DLG2: variants seen among roughly 807,000 people sequenced by gnomAD.
DLG2 encodes discs large MAGUK scaffold protein 2.
A neutral mutation model predicts 132.5 loss-of-function variants in DLG2; 45 were observed. That is an observed-to-expected ratio of 0.34 (90% CI 0.27 to 0.44). DLG2 has a LOEUF of 0.44. Ranked by LOEUF, DLG2 falls within the 20% of genes least tolerant of loss-of-function variation. The pLI is 1.00. For synonymous variants in DLG2, 424 were observed against 419.6 expected (o/e 1.01, Z -0.13); for missense variants, 1,045 against 1,196.9 (o/e 0.87, Z 1.87).
chr11:85,168,123 A>T (rs548750692), intron 4 of DLG2, among the ~76,000 whole-genome samples: 1 of 152,294 alleles, frequency 6.6e-6, no homozygotes, highest in South Asian at 2.1e-4. Context: ...CATGTATTAA[A>T]TTGTATTACA....
At chr11:84,780,766 T>A (rs1052800774) in intron 6 of DLG2, among the ~76,000 whole-genome samples, 5 of 152,156 alleles carry the variant, frequency 3.3e-5, no homozygotes, top group African/African-American at 1.2e-4. Context: ...TATACACATT[T>A]AGTAACAAAT....
chr11:84,784,321 AAAATAAAT>A lies in DLG2; in HGVS notation c.358-249598_358-249591del, dbSNP rs58436058. Among the ~76,000 whole-genome samples the A allele has an allele frequency of 9.7e-3, 1,206 of 124,460 alleles. 4 individuals carry two copies. The highest frequency in any genetic ancestry group is 0.017 in the African/African-American group (600 of 34,612). 81.7% of individuals were successfully genotyped at this position (124,460 alleles called of 152,430 possible). On this transcript the variant is annotated intron_variant, in intron 6 of 27. Coordinates refer to ENST00000376104, the MANE Select transcript of DLG2 (RefSeq NM_001142699.3). ...GGCAACAAGAGCGAAACTCCACCTC[AAAATAAAT>A]AAATAAATAAATAAATAAATAAATA...
At chr11:84,502,200 C>CTCTCTCTTTCCT (rs2099210772) in intron 7 of DLG2, among the ~76,000 whole-genome samples, 1 of 9,836 alleles carries the variant, frequency 1.0e-4, no homozygotes, top group Non-Finnish European at 1.9e-4. Flanking sequence ...CTCTCTCTCT[C>CTCTCTCTTTCCT]TCCTTCCTTC....
intron 3 of DLG2, among the ~76,000 whole-genome samples, chr11:85,488,419 C>T (rs900963237): frequency 6.6e-6 from 1 of 151,586 alleles, no homozygotes; most frequent in African/African-American, 2.4e-5. Context: ...ACAACCACAA[C>T]AAAAAGTGTC....
In DLG2 at chr11:84,839,463, T is replaced by A. The variant is rs191468305; in HGVS notation, c.357+272198A>T. Among the ~76,000 whole-genome samples, 411 of 152,174 alleles carry A rather than the reference T, an allele frequency of 2.7e-3. 6 individuals are homozygous for A. The highest frequency in any genetic ancestry group is 0.02 in the East Asian group (104 of 5,136). ...AATGCCATCCCCATCAAGCTACCAATGACTTTCTTCACAGAATCGGAAAAA... is the reference window on the plus strand; with the variant it reads ...AATGCCATCCCCATCAAGCTACCAAAGACTTTCTTCACAGAATCGGAAAAA... On this transcript the variant is annotated intron_variant, in intron 6 of 27. Coordinates refer to ENST00000376104, the MANE Select transcript of DLG2 (RefSeq NM_001142699.3).
At chr11:84,115,435 C>G (rs983039825) in intron 9 of DLG2, among the ~76,000 whole-genome samples, 6 of 151,316 alleles carry the variant, frequency 4.0e-5, no homozygotes, top group African/African-American at 1.5e-4. Context: ...AGTATATTTG[C>G]TTTCTTTGCA....
intron 3 of DLG2, among the ~76,000 whole-genome samples, chr11:85,449,696 C>A (rs182501287): frequency 7.2e-4 from 110 of 151,770 alleles, no homozygotes; most frequent in African/African-American, 2.6e-3. Flanking sequence ...TTAGGTAACT[C>A]CATGAAGCCT....
chr11:83,752,319 G>C (rs1312453950), intron 18 of DLG2, among the ~76,000 whole-genome samples: 4 of 151,592 alleles, frequency 2.6e-5, no homozygotes, highest in African/African-American at 9.7e-5. Flanking sequence ...CCAAATTACA[G>C]GTTTTAACAA....
chr11:84,487,420 G>T (rs184483195), intron 7 of DLG2, among the ~76,000 whole-genome samples: 2 of 151,996 alleles, frequency 1.3e-5, no homozygotes, highest in African/African-American at 4.8e-5. Context: ...AAAAAGAATA[G>T]AGTAACAGAA....
At chr11:83,952,863 T>C (rs535153882) in intron 14 of DLG2, among the ~76,000 whole-genome samples, 308 of 152,016 alleles carry the variant, frequency 2.0e-3, no homozygotes, top group Non-Finnish European at 3.2e-3. Context: ...TTTCTACAAA[T>C]ATATATTACT....
chr11:83,996,603 T>C (rs2094038345), intron 11 of DLG2, among the ~76,000 whole-genome samples: 1 of 152,186 alleles, frequency 6.6e-6, no homozygotes, highest in Non-Finnish European at 1.5e-5. Flanking sequence ...ACAGAAAATA[T>C]GGTACACATA....
At chr11:85,144,185 C>T (rs1242746017) in intron 5 of DLG2, among the ~76,000 whole-genome samples, 2 of 151,728 alleles carry the variant, frequency 1.3e-5, no homozygotes, top group African/African-American at 2.4e-5. Flanking sequence ...TAATGTCCTT[C>T]TTTGTCTCTT....
intron 2 of DLG2, among the ~76,000 whole-genome samples, chr11:85,609,746 C>A (rs2080857702): frequency 6.6e-6 from 1 of 152,128 alleles, no homozygotes; most frequent in African/African-American, 2.4e-5. Flanking sequence ...ATACGTTTAA[C>A]CATTGAGGGC....
At chr11:84,316,905 G>A in intron 7 of DLG2, 1 of 1,612,724 alleles carries the variant, frequency 6.2e-7, no homozygotes, top group Admixed American at 1.7e-5. Flanking sequence ...GTCTTGTGGG[G>A]GCTTTTCCGC....
chr11:84,373,119 T>C (rs1361493693), intron 7 of DLG2, among the ~76,000 whole-genome samples: 3 of 151,590 alleles, frequency 2.0e-5, no homozygotes, highest in African/African-American at 7.3e-5. Flanking sequence ...GAGTCCTAAA[T>C]GTGAACTTTT....
At chr11:84,433,397 A>G (rs72961656) in intron 7 of DLG2, among the ~76,000 whole-genome samples, 3,313 of 152,284 alleles carry the variant, frequency 0.022, 51 homozygotes, top group Non-Finnish European at 0.035. Context: ...AGATTGTCTA[A>G]TTAAGAGATT....
rs115655070 is a variant in DLG2, at chr11:84,029,839, G to C, written c.919+29476C>G. ...AGTGTTCTCTTCCTATATTTCATAAGGAAACAACATACTTAAGGAAATATT... is the reference window on the plus strand; with the variant it reads ...AGTGTTCTCTTCCTATATTTCATAACGAAACAACATACTTAAGGAAATATT... On this transcript the variant is annotated intron_variant, in intron 11 of 27. Transcript: ENST00000376104. Among the ~76,000 whole-genome samples, 299 of 152,086 alleles carry C rather than the reference G, an allele frequency of 2.0e-3. 1 individual carries two copies. Among genetic ancestry groups the C allele is most frequent in the African/African-American group, 6.2e-3 (258 of 41,492 alleles).
chr11:84,157,649 T>C (rs1434430836), intron 9 of DLG2, among the ~76,000 whole-genome samples: 2 of 152,236 alleles, frequency 1.3e-5, no homozygotes, highest in Non-Finnish European at 2.9e-5. Flanking sequence ...GCCAGCTCAG[T>C]TATGATGCCT....
At chr11:84,667,021 T>C (rs114601831) in intron 6 of DLG2, among the ~76,000 whole-genome samples, 2,084 of 152,278 alleles carry the variant, frequency 0.014, 57 homozygotes, top group African/African-American at 0.048. Flanking sequence ...TTTTGTTTTA[T>C]ATATTAGTCT....
Sources: gnomAD v4.1 joint callset for allele counts (sites outside exome capture counted in the v4.1 genomes callset) on GRCh38, gnomAD v4.1.1 for gene constraint, MANE v1.5 for transcripts, NCBI Gene and HGNC (gene_info 2026-07-23, HGNC 2026-07-21) for gene names.